The following HEMK2 variants were observed in gnomAD, a reference collection of about 807,000 sequenced individuals.
The protein encoded by HEMK2 is methyltransferase HEMK2.
the HEMK2 span, among the ~76,000 whole-genome samples, chr21:28,701,303 G>A: frequency 1.2e-3 from 175 of 152,158 alleles, no homozygotes; most frequent in African/African-American, 3.9e-3. Context: ...AGAGCATTCA[G>A]GCAAGAGAAA....
chr21:28,786,209 C>T, the HEMK2 span, among the ~76,000 whole-genome samples: 1 of 152,220 alleles, frequency 6.6e-6, no homozygotes, highest in Non-Finnish European at 1.5e-5. Flanking sequence ...TTTCAATCTT[C>T]TCAACCTGTG....
chr21:28,730,415 CACAT>C, the HEMK2 span, among the ~76,000 whole-genome samples: 1 of 102,130 alleles, frequency 9.8e-6, no homozygotes, highest in African/African-American at 3.7e-5. Flanking sequence ...CACACACACA[CACAT>C]TTCTCACAAT....
At chr21:28,741,764 G>A in the HEMK2 span, among the ~76,000 whole-genome samples, 1 of 152,140 alleles carries the variant, frequency 6.6e-6, no homozygotes, top group Non-Finnish European at 1.5e-5. Flanking sequence ...AGTATTCCAT[G>A]GTGTATATGT....
At chr21:28,657,794 T>G in the HEMK2 span, among the ~76,000 whole-genome samples, 7 of 152,004 alleles carry the variant, frequency 4.6e-5, no homozygotes, top group Admixed American at 2.0e-4. Flanking sequence ...AGCACAACAA[T>G]GATCTTTTCT....
At chr21:28,842,522 C>T in the HEMK2 span, among the ~76,000 whole-genome samples, 1 of 152,096 alleles carries the variant, frequency 6.6e-6, no homozygotes, top group African/African-American at 2.4e-5. Context: ...CTGTTCCTTC[C>T]TGATGACTCG....
At chr21:28,816,487 A>G in the HEMK2 span, among the ~76,000 whole-genome samples, 3 of 152,156 alleles carry the variant, frequency 2.0e-5, no homozygotes, top group African/African-American at 7.2e-5. Context: ...CTGGGCCACA[A>G]AGCAAGACAC....
chr21:28,680,139 T>C, the HEMK2 span, among the ~76,000 whole-genome samples: 8 of 152,040 alleles, frequency 5.3e-5, no homozygotes, highest in African/African-American at 1.9e-4. Context: ...ATTGACAAAA[T>C]TGATAGACTG....
At chr21:28,598,735 A>G in the HEMK2 span, among the ~76,000 whole-genome samples, 1 of 152,202 alleles carries the variant, frequency 6.6e-6, no homozygotes, top group Non-Finnish European at 1.5e-5. Flanking sequence ...AGAATTACCC[A>G]TTCCCCAACT....
At chr21:28,584,605 C>T in the HEMK2 span, among the ~76,000 whole-genome samples, 75 of 151,856 alleles carry the variant, frequency 4.9e-4, no homozygotes, top group Non-Finnish European at 7.8e-4. Context: ...GTGAAAACAC[C>T]ACTCCAGAAA....
chr21:28,875,381 A>G, the HEMK2 span: 2 of 152,226 alleles, frequency 1.3e-5, no homozygotes, highest in African/African-American at 4.8e-5. Flanking sequence ...TCTCAAAAAG[A>G]GACTAGTTAT....
At chr21:28,693,278 C>A in the HEMK2 span, among the ~76,000 whole-genome samples, 1 of 152,112 alleles carries the variant, frequency 6.6e-6, no homozygotes, top group Non-Finnish European at 1.5e-5. Flanking sequence ...AACTAGAGAT[C>A]TTTACAAAGA....
chr21:28,605,323 A>C, the HEMK2 span, among the ~76,000 whole-genome samples: 1 of 152,224 alleles, frequency 6.6e-6, no homozygotes, highest in Non-Finnish European at 1.5e-5. Context: ...TCCTCTGTGT[A>C]GTGGTTTCGT....
chr21:28,580,980 C>T, the HEMK2 span, among the ~76,000 whole-genome samples: 2 of 152,146 alleles, frequency 1.3e-5, no homozygotes, highest in Non-Finnish European at 2.9e-5. Context: ...TTTACCCACA[C>T]CCCCATTGCC....
At chr21:28,692,290 A>G in the HEMK2 span, among the ~76,000 whole-genome samples, 84,515 of 151,954 alleles carry the variant, frequency 0.56, 26,178 homozygotes, top group East Asian at 0.84. Flanking sequence ...TACTAATGGA[A>G]GCAAAAGAAA....
chr21:28,885,158 A>G, the HEMK2 span: 1 of 1,485,098 alleles, frequency 6.7e-7, no homozygotes, highest in Non-Finnish European at 9.1e-7. Context: ...CCTCCACCGC[A>G]CTTCTTCAGA....
At chr21:28,821,836 G>A in the HEMK2 span, among the ~76,000 whole-genome samples, 1 of 152,160 alleles carries the variant, frequency 6.6e-6, no homozygotes, top group African/African-American at 2.4e-5. Context: ...TAATTTAGAA[G>A]GTTTTTTTAC....
the HEMK2 span, among the ~76,000 whole-genome samples, chr21:28,837,616 T>C: frequency 6.6e-6 from 1 of 152,078 alleles, no homozygotes; most frequent in South Asian, 2.1e-4. Context: ...ACTGACACTC[T>C]AAGGTCACAC....
the HEMK2 span, among the ~76,000 whole-genome samples, chr21:28,731,521 C>T: frequency 3.3e-5 from 5 of 149,304 alleles, no homozygotes; most frequent in African/African-American, 1.2e-4. Context: ...GAAACAATGG[C>T]TTGGCCAGGA....
the HEMK2 span, among the ~76,000 whole-genome samples, chr21:28,705,641 T>TA: frequency 1.3e-5 from 2 of 152,126 alleles, no homozygotes; most frequent in African/African-American, 2.4e-5. Context: ...ACCATAAACT[T>TA]AGAGGTTTAA....
Sources: gnomAD v4.1 joint callset for allele counts (sites outside exome capture counted in the v4.1 genomes callset) on GRCh38, gnomAD v4.1.1 for gene constraint, MANE v1.5 for transcripts, NCBI Gene and HGNC (gene_info 2026-07-23, HGNC 2026-07-21) for gene names.